Variants in UNC5A observed in about 807,000 individuals in gnomAD.
The protein encoded by UNC5A is netrin receptor UNC5A.
A neutral mutation model predicts 87.4 loss-of-function variants in UNC5A; 20 were observed. That is an observed-to-expected ratio of 0.23 (90% CI 0.16 to 0.33). The LOEUF is 0.33. UNC5A is among the 10% of genes least tolerant of loss of function. UNC5A has a pLI of 1.00. For missense variants in UNC5A, 844 were observed against 1,133.4 expected (o/e 0.74, Z 3.67); for synonymous variants, 438 against 482.3 (o/e 0.91, Z 1.20).
chr5:176,874,508 C>A lies in UNC5A; in HGVS notation c.1320C>A (p.Ser440Arg). The change falls in exon 8 of 15, where the codon AGC becomes AGA. Residue 440 changes from serine to arginine, a missense_variant. Coordinates refer to ENST00000329542, the MANE Select transcript of UNC5A (RefSeq NM_133369.3). The surrounding 1 kb of genome is among the most constrained non-coding windows in gnomAD (Gnocchi z 7.6). Reference protein sequence around the residue: ...NYFRSLPRGTSNMTYGTFNFL... With the variant: ...NYFRSLPRGTRNMTYGTFNFL... ...TCCGCTCCCTGCCCCGAGGCACCAG[C>A]AACATGACCTATGGGACCTTCAACT... The A allele has an allele frequency of 1.2e-6, 2 of 1,607,518 alleles. No homozygotes were observed. Among genetic ancestry groups the A allele is most frequent in the South Asian group, 1.1e-5 (1 of 90,240 alleles).
intron 1 of UNC5A, among the ~76,000 whole-genome samples, chr5:176,860,139 G>T (rs1470417967): frequency 6.6e-6 from 1 of 152,234 alleles, no homozygotes; most frequent in Non-Finnish European, 1.5e-5. Context: ...CCGCCAAGAG[G>T]CAGGCACAGG....
rs1289771373 is a variant in UNC5A at position 176,824,865 on chromosome 5, A to G, written c.70+14045A>G. Among the ~76,000 whole-genome samples, 2 of 116,132 alleles carry G rather than the reference A, an allele frequency of 1.7e-5. No homozygotes were observed. Among genetic ancestry groups the G allele is most frequent in the Non-Finnish European group, 3.6e-5 (2 of 56,116 alleles). The allele number at this position is 116,132 out of a possible 152,430, so 76.2% of individuals were successfully genotyped here. On this transcript the variant is annotated intron_variant, in intron 1 of 14. Coordinates refer to ENST00000329542, the MANE Select transcript of UNC5A (RefSeq NM_133369.3). The surrounding 1 kb of genome is among the most constrained non-coding windows in gnomAD (Gnocchi z 4.2). ...CTCACCACTCCGTATCCCCCACCCC[A>G]TGCACCCCCAGTGCCTGCGCACTGC...
At chr5:176,868,096 TG>T in intron 2 of UNC5A, 33 bp from the exon 3 acceptor site, 1 of 1,603,122 alleles carries the variant, frequency 6.2e-7, no homozygotes, top group Non-Finnish European at 8.5e-7. Flanking sequence ...AGGGTGGCCC[TG>T]GGGCTCTGAC....
chr5:176,842,068 G>A (rs1015876718), intron 1 of UNC5A, among the ~76,000 whole-genome samples: 4 of 152,224 alleles, frequency 2.6e-5, no homozygotes, highest in African/African-American at 9.6e-5. Context: ...GCGGTGGCGG[G>A]TGCCTGTAGT....
At chr5:176,815,849 A>T (rs982033296) in intron 1 of UNC5A, among the ~76,000 whole-genome samples, 1 of 152,020 alleles carries the variant, frequency 6.6e-6, no homozygotes, top group Admixed American at 6.5e-5. Context: ...CACTGCAGGG[A>T]CTTGGGCCTG....
intron 1 of UNC5A, among the ~76,000 whole-genome samples, chr5:176,852,422 G>C (rs1478704556): frequency 1.3e-5 from 2 of 152,080 alleles, no homozygotes; most frequent in Non-Finnish European, 2.9e-5. Flanking sequence ...CGCCGGCCAA[G>C]GATCCCAAGG....
rs1268310433 is a variant in UNC5A at position 176,869,549 on chromosome 5, C to A, written c.721+585C>A. ...CAGCCCCTCTGCCCTCACGCCCCGTCCCCTGGGCCAGTGTATCTGAGGACG... is the reference window on the plus strand; with the variant it reads ...CAGCCCCTCTGCCCTCACGCCCCGTACCCTGGGCCAGTGTATCTGAGGACG... On this transcript the variant is annotated intron_variant, in intron 5 of 14. Coordinates refer to ENST00000329542, the MANE Select transcript of UNC5A (RefSeq NM_133369.3). The surrounding 1 kb of genome is among the most constrained non-coding windows in gnomAD (Gnocchi z 9.1). The A allele has an allele frequency of 1.5e-6, 1 of 664,644 alleles. No homozygotes were observed. The highest frequency in any genetic ancestry group is 2.8e-6 in the Non-Finnish European group (1 of 362,906). The allele number at this position is 664,644 out of a possible 1,614,324, so 41.2% of individuals were successfully genotyped here.
In UNC5A at chr5:176,874,397, G is replaced by A. The variant is rs1412289884; in HGVS notation, c.1209G>A (p.Leu403=). The A allele has an allele frequency of 6.2e-7, 1 of 1,613,612 alleles. No individual in the cohort carries two copies. Among genetic ancestry groups the A allele is most frequent in the East Asian group, 2.2e-5 (1 of 44,874 alleles). The part of the protein sequence containing the change: ...QLTNGHLLSP[L]GGGRHTLHHS... ...CCAATGGGCACCTGCTCAGCCCCCT[G>A]GGTGGCGGCCGCCACACACTGCACC... The change falls in exon 8 of 15, where the codon CTG becomes CTA. Residue 403 remains leucine, a synonymous_variant. Coordinates refer to ENST00000329542, the MANE Select transcript of UNC5A (RefSeq NM_133369.3). The surrounding 1 kb of genome is among the most constrained non-coding windows in gnomAD (Gnocchi z 7.6).
chr5:176,859,642 G>C (rs1340742014), intron 1 of UNC5A, among the ~76,000 whole-genome samples: 1 of 58,514 alleles, frequency 1.7e-5, no homozygotes, highest in Non-Finnish European at 4.2e-5. Context: ...ATGGCTGCTA[G>C]AATGCCCTTG....
At chr5:176,812,034 C>T (rs960443441) in intron 1 of UNC5A, among the ~76,000 whole-genome samples, 2 of 152,116 alleles carry the variant, frequency 1.3e-5, no homozygotes, top group African/African-American at 4.8e-5. Context: ...ACCGCCCGCC[C>T]CATCCTGCCT....
At chr5:176,861,062 C>A (rs1757825148) in intron 1 of UNC5A, among the ~76,000 whole-genome samples, 2 of 152,206 alleles carry the variant, frequency 1.3e-5, no homozygotes, top group Admixed American at 1.3e-4. Context: ...CACCCCTCAG[C>A]TCAGCCAGCC....
intron 1 of UNC5A, among the ~76,000 whole-genome samples, 189 bp downstream of exon 1, chr5:176,811,009 C>G (rs1756438883): frequency 6.6e-6 from 1 of 152,068 alleles, no homozygotes; most frequent in South Asian, 2.1e-4. Flanking sequence ...CTCCCGGAAG[C>G]CTGGGTTCTG....
At position 176,880,163 on chromosome 5, in the gene UNC5A, T is replaced by G. The variant is rs1450877931; in HGVS notation, c.*277T>G. 1 of 433,624 alleles carries G rather than the reference T, an allele frequency of 2.3e-6. No individual in the cohort carries two copies. Among genetic ancestry groups the G allele is most frequent in the Non-Finnish European group, 4.2e-6 (1 of 237,614 alleles). The allele number at this position is 433,624 out of a possible 1,614,324, so 26.9% of individuals were successfully genotyped here. On this transcript the variant is annotated 3_prime_UTR_variant, in exon 15 of 15. Coordinates refer to ENST00000329542, the MANE Select transcript of UNC5A (RefSeq NM_133369.3). ...GGGCCAGGCCCAGCCCATCTGTGTG[T>G]GTGTATGTGCGTGTGATGCTACCTC...
chr5:176,838,612 C>T lies in UNC5A; in HGVS notation c.71-24012C>T, dbSNP rs757081002. ...ACAACAGCACTCTGGAGCTACCCTG[C>T]TCGCTGTTCTGCTCTGTCTTCCCTG... On this transcript the variant is annotated intron_variant, in intron 1 of 14. Transcript: ENST00000329542. The surrounding 1 kb of genome is among the most constrained non-coding windows in gnomAD (Gnocchi z 4.2). 4.6e-5 allele frequency among the ~76,000 whole-genome samples: 7 copies of T among 152,278 alleles called. No individual in the cohort carries two copies. The highest frequency in any genetic ancestry group is 2.1e-4 in the South Asian group (1 of 4,838).
chr5:176,816,221 C>T (rs1756583218), intron 1 of UNC5A, among the ~76,000 whole-genome samples: 1 of 152,266 alleles, frequency 6.6e-6, no homozygotes, highest in African/African-American at 2.4e-5. Context: ...CAGACATCAG[C>T]TGCCCTGGCA....
At chr5:176,861,497 C>T (rs989623271) in intron 1 of UNC5A, among the ~76,000 whole-genome samples, 1 of 152,190 alleles carries the variant, frequency 6.6e-6, no homozygotes, top group Non-Finnish European at 1.5e-5. Context: ...AGGGTCCCTG[C>T]GCAAGCAGGA....
intron 1 of UNC5A, among the ~76,000 whole-genome samples, chr5:176,823,601 A>G (rs1250149136): frequency 1.3e-5 from 2 of 151,850 alleles, no homozygotes; most frequent in African/African-American, 2.4e-5. Flanking sequence ...ATCAGCAGGG[A>G]GAGACACAGG....
intron 1 of UNC5A, among the ~76,000 whole-genome samples, chr5:176,831,887 T>C (rs1292051220): frequency 4.0e-3 from 14 of 3,534 alleles, no homozygotes; most frequent in African/African-American, 4.7e-3. Flanking sequence ...CTCTCTCTCT[T>C]TTTTTTTTTT....
At position 176,865,646 on chromosome 5, in the gene UNC5A, G is replaced by A. The variant is rs1366725865; in HGVS notation, c.293-2484G>A. 6.6e-6 allele frequency: 3 copies of A among 456,724 alleles called. No homozygotes were observed. The highest frequency in any genetic ancestry group is 2.3e-5 in the Admixed American group (1 of 42,596). The allele number at this position is 456,724 out of a possible 1,614,324, so 28.3% of individuals were successfully genotyped here. A position where few individuals can be genotyped will look rare whatever the true frequency, so the allele number is the denominator to read the frequency against. ...GAAGAAAAAGGCTTTCCTTACCCAC[G>A]GCAGATACCACGGCAGTGGCGCCAC... On this transcript the variant is annotated intron_variant, in intron 2 of 14. Coordinates refer to ENST00000329542, the MANE Select transcript of UNC5A (RefSeq NM_133369.3). This position sits in a 1 kb window ranked among gnomAD's most constrained non-coding sequence, Gnocchi z 5.3.
Sources: gnomAD v4.1 joint callset for allele counts (sites outside exome capture counted in the v4.1 genomes callset) on GRCh38, gnomAD v4.1.1 for gene constraint, Gnocchi (gnomAD v3.1) non-coding constraint, MANE v1.5 for transcripts, NCBI Gene and HGNC (gene_info 2026-07-23, HGNC 2026-07-21) for gene names.